Variants in AKNA observed in about 807,000 individuals in gnomAD.
AKNA encodes microtubule organization protein AKNA.
In AKNA, 67 loss-of-function variants were observed where a neutral mutation model predicts 138.8. The observed-to-expected ratio is 0.48, with a 90% CI of 0.40 to 0.59. The LOEUF (loss-of-function observed/expected upper bound fraction) is 0.59. Ranked by LOEUF, AKNA falls within the 20% of genes least tolerant of loss-of-function variation. AKNA has a pLI of 0.00. For missense variants in AKNA, 1,813 were observed against 1,880.4 expected, an observed-to-expected ratio of 0.96 and a Z score of 0.66; for synonymous variants, 737 against 754.4, an observed-to-expected ratio of 0.98 and a Z score of 0.38.
intron 8 of AKNA, 130 bp from the exon 9 acceptor site, chr9:114,362,041 T>C (rs1169385087): frequency 2.2e-5 from 21 of 945,896 alleles, no homozygotes; most frequent in South Asian, 1.9e-4. Context: ...AGCCTTTAGA[T>C]GATGGTGAGA....
At chr9:114,333,781 T>G (rs1829902024), downstream of AKNA, among the ~76,000 whole-genome samples, 1 of 150,196 alleles carries the variant, frequency 6.7e-6, no homozygotes, top group South Asian at 2.1e-4. Flanking sequence ...AATGAGAGGA[T>G]GCATTTGAGT....
At chr9:114,358,369 T>C (rs1216934625) in intron 11 of AKNA, 4 of 610,244 alleles carry the variant, frequency 6.6e-6, no homozygotes, top group Non-Finnish European at 1.1e-5. Context: ...TTCTCAACTA[T>C]AAAATATGGA....
chr9:114,337,005 G>A lies in AKNA; in HGVS notation c.*49C>T. On this transcript the variant is annotated 3_prime_UTR_variant, in exon 22 of 22. Transcript: ENST00000374088. ...GCTCCAGCCCACTCCTGGCCTGGCAGGCCACCTGCCCACCCACCCACCCAT... is the reference window on the plus strand; with the variant it reads ...GCTCCAGCCCACTCCTGGCCTGGCAAGCCACCTGCCCACCCACCCACCCAT... The A allele has an allele frequency of 8.0e-7, 1 of 1,245,596 alleles. No individual in the cohort carries two copies. Among genetic ancestry groups the A allele is most frequent in the East Asian group, 2.7e-5 (1 of 36,996 alleles). 77.2% of individuals were successfully genotyped at this position (1,245,596 alleles called of 1,614,324 possible).
In AKNA at chr9:114,337,086, C is replaced by T. The variant is rs768500725; in HGVS notation, c.4288G>A (p.Ala1430Thr). 5 of 1,475,714 alleles carry T rather than the reference C, an allele frequency of 3.4e-6. No individual in the cohort carries two copies. Among genetic ancestry groups the T allele is most frequent in the African/African-American group, 2.9e-5 (2 of 68,262 alleles). The allele number at this position is 1,475,714 out of a possible 1,614,324, so 91.4% of individuals were successfully genotyped here. A position where few individuals can be genotyped will look rare whatever the true frequency, so the allele number is the denominator to read the frequency against. Residue 1430 changes from alanine (A) to threonine (T), a missense_variant, in exon 22 of 22, where the codon GCT becomes ACT. Coordinates refer to ENST00000374088, the MANE Select transcript of AKNA (RefSeq NM_001317950.2). ...RSSLSADLRQ[A>T]HSLRGSCLF Reference sequence around the variant, plus strand: ...AGGCAGGAGCCCCGCAGGCTGTGAGCCTGGCGCAGGTCGGCTGACAGCGAG... The same window carrying T: ...AGGCAGGAGCCCCGCAGGCTGTGAGTCTGGCGCAGGTCGGCTGACAGCGAG...
upstream of AKNA, among the ~76,000 whole-genome samples, chr9:114,395,411 G>C (rs143664865): frequency 1.3e-5 from 2 of 152,150 alleles, no homozygotes; most frequent in African/African-American, 4.8e-5. Context: ...GCACCATCCT[G>C]TCAGGTTTTT....
At chr9:114,378,143 G>A (rs758356318) in intron 2 of AKNA, among the ~76,000 whole-genome samples, 5 of 152,028 alleles carry the variant, frequency 3.3e-5, no homozygotes, top group Non-Finnish European at 7.4e-5. Context: ...CTCTCTCCAT[G>A]GCCCCTCAAG....
chr9:114,383,672 G>A (rs905252109), intron 1 of AKNA, among the ~76,000 whole-genome samples: 1 of 152,188 alleles, frequency 6.6e-6, no homozygotes, highest in Non-Finnish European at 1.5e-5. Flanking sequence ...CAGGACAGAA[G>A]GTCTGTGTTT....
chr9:114,362,305 C>T (rs191848852), intron 8 of AKNA, 101 bp downstream of exon 8: 11 of 1,428,522 alleles, frequency 7.7e-6, no homozygotes, highest in Admixed American at 2.8e-5. Context: ...CTCTATTCCC[C>T]GTGTACAAAT....
chr9:114,340,815 C>A (rs1830290569), intron 21 of AKNA, among the ~76,000 whole-genome samples: 1 of 152,154 alleles, frequency 6.6e-6, no homozygotes, highest in African/African-American at 2.4e-5. Context: ...TATTCCCGAC[C>A]AGGACTCCCC....
At chr9:114,363,743 G>A (rs1024633574) in intron 7 of AKNA, among the ~76,000 whole-genome samples, 1 of 152,118 alleles carries the variant, frequency 6.6e-6, no homozygotes, top group African/African-American at 2.4e-5. Flanking sequence ...ATCACAGGGT[G>A]GGAAGAGAGA....
chr9:114,373,165 G>T (rs2132023962), intron 4 of AKNA, among the ~76,000 whole-genome samples: 1 of 152,378 alleles, frequency 6.6e-6, no homozygotes, highest in African/African-American at 2.4e-5. Context: ...CTCTACTGCT[G>T]CCTGATGAGG....
At position 114,337,012 on chromosome 9, in the gene AKNA, T is replaced by TTGGGGGGGGGGC; in HGVS notation, c.*41_*42insGCCCCCCCCCCA. 1 of 1,208,224 alleles carries TTGGGGGGGGGGC rather than the reference T, an allele frequency of 8.3e-7. No homozygotes were observed. The highest frequency in any genetic ancestry group is 1.1e-6 in the Non-Finnish European group (1 of 929,350). The allele number at this position is 1,208,224 out of a possible 1,614,324, so 74.8% of individuals were successfully genotyped here. A position where few individuals can be genotyped will look rare whatever the true frequency, so the allele number is the denominator to read the frequency against. ...CCCACTCCTGGCCTGGCAGGCCACC[T>TTGGGGGGGGGGC]GCCCACCCACCCACCCATCTGCCTC... On this transcript the variant is annotated 3_prime_UTR_variant, in exon 22 of 22. Coordinates refer to ENST00000374088, the MANE Select transcript of AKNA (RefSeq NM_001317950.2).
chr9:114,330,702 C>G (rs1230767644), downstream of AKNA: 4 of 1,597,194 alleles, frequency 2.5e-6, no homozygotes, highest in Non-Finnish European at 3.4e-6. Flanking sequence ...TTAATCTCCA[C>G]CAGACTCTTG....
At chr9:114,373,063 G>A (rs567717566) in intron 4 of AKNA, among the ~76,000 whole-genome samples, 1 of 150,080 alleles carries the variant, frequency 6.7e-6, no homozygotes, top group African/African-American at 2.5e-5. Flanking sequence ...TCGACATTGA[G>A]AGCAGCAGCT....
chr9:114,349,614 C>T (rs960451518), intron 15 of AKNA, among the ~76,000 whole-genome samples: 10 of 152,300 alleles, frequency 6.6e-5, no homozygotes, highest in African/African-American at 2.2e-4. Flanking sequence ...GCCTACGCTA[C>T]GTCCCTGCTT....
chr9:114,371,806 C>T (rs1301574456), intron 4 of AKNA, among the ~76,000 whole-genome samples: 2 of 152,178 alleles, frequency 1.3e-5, no homozygotes, highest in Non-Finnish European at 2.9e-5. Flanking sequence ...GTCCAGCCCT[C>T]CCCCGTGGGC....
chr9:114,367,762 G>T, intron 5 of AKNA, 65 bp from the exon 6 acceptor site: 2 of 1,487,348 alleles, frequency 1.3e-6, no homozygotes, highest in South Asian at 1.4e-5. Flanking sequence ...AAGGACTGAG[G>T]CTGAACGTCA....
At chr9:114,348,474 G>A (rs1033482209) in intron 15 of AKNA, among the ~76,000 whole-genome samples, 15 of 152,342 alleles carry the variant, frequency 9.8e-5, no homozygotes, top group African/African-American at 3.1e-4. Flanking sequence ...GCTCTGAGAC[G>A]GAGCAGAATA....
chr9:114,335,790 AAAAAGAAAAAAG>A lies in AKNA; in HGVS notation c.*1252_*1263del, dbSNP rs1829965756. On this transcript the variant is annotated 3_prime_UTR_variant, in exon 22 of 22. Transcript: ENST00000374088. ...CAGTCTCAAAAAAAAAAAAAAAAAG[AAAAAGAAAAAAG>A]AAAAAAAAAAGAAAGAAAGGAGCAC... 1 of 142,128 alleles carries A rather than the reference AAAAAGAAAAAAG, an allele frequency of 7.0e-6. No homozygotes were observed. The highest frequency in any genetic ancestry group is 1.6e-5 in the Non-Finnish European group (1 of 62,748). 8.8% of individuals were successfully genotyped at this position (142,128 alleles called of 1,614,324 possible).
Sources: allele counts gnomAD v4.1 joint callset (sites outside exome capture counted in the v4.1 genomes callset), GRCh38; gene constraint gnomAD v4.1.1; transcripts MANE v1.5; gene names NCBI Gene and HGNC (gene_info 2026-07-23, HGNC 2026-07-21).